The following EDIL3 variants were observed in gnomAD, a reference collection of about 807,000 sequenced individuals.
The protein encoded by EDIL3 is EGF like and discoidin domains 3, also known as EGF-like repeat and discoidin I-like domain-containing protein 3.
In EDIL3, 37 loss-of-function variants were observed where a neutral mutation model predicts 67.4. The observed-to-expected ratio is 0.55, with a 90% CI of 0.42 to 0.72. EDIL3 has a LOEUF of 0.72. EDIL3 is among the 30% of genes least tolerant of loss of function. The probability of loss-of-function intolerance (pLI) is 0.00; values close to 1 mark genes in which losing one functional copy is unlikely to be tolerated. For missense variants in EDIL3, 527 were observed against 586.3 expected, an observed-to-expected ratio of 0.90 and a Z score of 1.04; for synonymous variants, 195 against 196.3, an observed-to-expected ratio of 0.99 and a Z score of 0.05.
intron 9 of EDIL3, among the ~76,000 whole-genome samples, chr5:84,028,578 G>T (rs935237143): frequency 6.6e-6 from 1 of 151,508 alleles, no homozygotes; most frequent in African/African-American, 2.4e-5. Context: ...CATACACACA[G>T]ACACACACAC....
chr5:84,191,057 C>A (rs1315806325), intron 3 of EDIL3, among the ~76,000 whole-genome samples: 1 of 151,930 alleles, frequency 6.6e-6, no homozygotes, highest in Non-Finnish European at 1.5e-5. Flanking sequence ...TATCAGTAGC[C>A]CTTTTTCATT....
chr5:84,010,531 TTAGTTG>T (rs1745499548), intron 9 of EDIL3, among the ~76,000 whole-genome samples: 1 of 152,278 alleles, frequency 6.6e-6, no homozygotes, highest in South Asian at 2.1e-4. Context: ...TTTTTAATAT[TTAGTTG>T]TAGTTTTTAT....
intron 2 of EDIL3, among the ~76,000 whole-genome samples, chr5:84,243,748 T>A (rs912014493): frequency 3.9e-5 from 6 of 152,212 alleles, no homozygotes; most frequent in Admixed American, 3.9e-4. Context: ...TATTTTTCTT[T>A]CCAGGCCTTG....
intron 3 of EDIL3, among the ~76,000 whole-genome samples, chr5:84,197,240 A>G (rs1743729203): frequency 6.6e-6 from 1 of 152,054 alleles, no homozygotes; most frequent in Admixed American, 6.6e-5. Flanking sequence ...ATGAGTGTCA[A>G]TGTATAGTGA....
At chr5:84,074,801 G>A (rs548108202) in intron 6 of EDIL3, among the ~76,000 whole-genome samples, 1 of 152,212 alleles carries the variant, frequency 6.6e-6, no homozygotes, top group Non-Finnish European at 1.5e-5. Flanking sequence ...CGATTCCTCA[G>A]GGATCTAGAA....
intron 2 of EDIL3, among the ~76,000 whole-genome samples, chr5:84,245,825 C>A (rs182985512): frequency 6.6e-6 from 1 of 150,816 alleles, no homozygotes; most frequent in African/African-American, 2.4e-5. Context: ...GGCTGTGCCA[C>A]AAGTGATTTC....
At chr5:84,318,366 A>G (rs1162213633) in intron 1 of EDIL3, among the ~76,000 whole-genome samples, 1 of 152,190 alleles carries the variant, frequency 6.6e-6, no homozygotes, top group Admixed American at 6.5e-5. Flanking sequence ...CTAAGCAAAA[A>G]GAACAAAGCT....
intron 1 of EDIL3, among the ~76,000 whole-genome samples, chr5:84,304,038 C>T (rs1036046302): frequency 5.9e-5 from 9 of 151,990 alleles, no homozygotes; most frequent in African/African-American, 1.9e-4. Context: ...GAGTAATATA[C>T]TCATTGGTGT....
At chr5:84,064,919 C>T (rs1335941049) in intron 7 of EDIL3, 75 bp from the exon 8 acceptor site, 5 of 1,446,720 alleles carry the variant, frequency 3.5e-6, no homozygotes, top group Non-Finnish European at 3.7e-6. Flanking sequence ...CCTATCTATA[C>T]CTTATCGAAA....
At chr5:84,114,941 T>C (rs1023798726) in intron 5 of EDIL3, among the ~76,000 whole-genome samples, 4 of 152,230 alleles carry the variant, frequency 2.6e-5, no homozygotes, top group Admixed American at 6.5e-5. Context: ...ATATGCTTCT[T>C]ACAGGTAGAG....
intron 10 of EDIL3, among the ~76,000 whole-genome samples, chr5:83,946,930 A>G (rs1744320685): frequency 6.6e-6 from 1 of 151,886 alleles, no homozygotes; most frequent in Admixed American, 6.6e-5. Flanking sequence ...AGAGATTACC[A>G]TTGTTCTAAC....
At chr5:84,102,530 A>C (rs1248703107) in intron 6 of EDIL3, among the ~76,000 whole-genome samples, 1 of 151,942 alleles carries the variant, frequency 6.6e-6, no homozygotes, top group Admixed American at 6.6e-5. Flanking sequence ...ACATACAAAA[A>C]TTACTGGCAT....
At position 84,100,847 on chromosome 5, in the gene EDIL3, T is replaced by C. The variant is rs77730750; in HGVS notation, c.651+5802A>G. Among the ~76,000 whole-genome samples the C allele has an allele frequency of 7.0e-3, 1,067 of 152,250 alleles. 6 individuals carry two copies. The highest frequency in any genetic ancestry group is 0.024 in the African/African-American group (1,000 of 41,534). On this transcript the variant is annotated intron_variant, in intron 6 of 10. Transcript: ENST00000296591. ...AAAAATTCAGCTCAATTTACTCTGA[T>C]AGTTTGGAAATAGTCCTGTTATGCT...
At chr5:84,378,425 G>GT (rs1748012835) in intron 1 of EDIL3, among the ~76,000 whole-genome samples, 1 of 152,096 alleles carries the variant, frequency 6.6e-6, no homozygotes, top group African/African-American at 2.4e-5. Flanking sequence ...GTACTGCAAA[G>GT]TATCACTGCT....
chr5:84,164,213 C>T (rs905360704), intron 4 of EDIL3, among the ~76,000 whole-genome samples: 1 of 151,804 alleles, frequency 6.6e-6, no homozygotes, highest in Admixed American at 6.6e-5. Context: ...AATAGGTATC[C>T]TAAATGATTG....
intron 1 of EDIL3, among the ~76,000 whole-genome samples, chr5:84,307,019 C>T (rs1746286549): frequency 6.6e-6 from 1 of 152,142 alleles, no homozygotes; most frequent in South Asian, 2.1e-4. Flanking sequence ...ACCAAGTGTC[C>T]ATTTCTTGTG....
At position 84,012,016 on chromosome 5, in the gene EDIL3, T is replaced by C. The variant is rs80174862; in HGVS notation, c.1137+48284A>G. Among the ~76,000 whole-genome samples, 131 of 152,320 alleles carry C rather than the reference T, an allele frequency of 8.6e-4. 1 individual carries two copies. The East Asian group carries it at 0.023, about 27-fold the overall frequency. On this transcript the variant is annotated intron_variant, in intron 9 of 10. Transcript: ENST00000296591. ...CAAAGGCAGGAATTTGGTCTGTTTC[T>C]GTCTTCTCTAATTCCAGTGACTAGA...
At chr5:84,341,659 G>C (rs770562059) in intron 1 of EDIL3, among the ~76,000 whole-genome samples, 3 of 151,942 alleles carry the variant, frequency 2.0e-5, no homozygotes, top group Non-Finnish European at 2.9e-5. Context: ...TTGATGAACA[G>C]AGCAAATTAA....
Position 84,106,746 on chromosome 5 carries a change from C to T in EDIL3, c.554G>A (p.Gly185Glu). Residue 185 changes from glycine to glutamate, a missense_variant, in exon 6 of 11, where the codon GGA becomes GAA. Coordinates refer to ENST00000296591, the MANE Select transcript of EDIL3 (RefSeq NM_005711.5). The part of the protein sequence containing the change: ...TASSTHRALF[G>E]LQKWYPYYAR... ...ATAGTAGGGATACCATTTTTGGAGT[C>T]CAAAAAGAGCTCGGTGAGTAGAGGA... The T allele has an allele frequency of 1.2e-6, 2 of 1,613,252 alleles. No individual in the cohort carries two copies. The highest frequency in any genetic ancestry group is 1.7e-6 in the Non-Finnish European group (2 of 1,179,566).
Sources: allele counts gnomAD v4.1 joint callset (sites outside exome capture counted in the v4.1 genomes callset), GRCh38; gene constraint gnomAD v4.1.1; transcripts MANE v1.5; gene names NCBI Gene and HGNC (gene_info 2026-07-23, HGNC 2026-07-21).